The following FRMPD4 variants were observed in gnomAD, a reference collection of about 807,000 sequenced individuals.
FRMPD4 encodes the protein FERM and PDZ domain-containing protein 4.
A neutral mutation model predicts 94.1 loss-of-function variants in FRMPD4; 22 were observed. That is an observed-to-expected ratio of 0.23 (90% CI 0.17 to 0.33). The LOEUF is 0.33. Among genes scored for constraint, FRMPD4 ranks in the 10% least tolerant of loss-of-function variants. The pLI, the probability that FRMPD4 is intolerant of heterozygous loss-of-function variation, is 1.00. For missense variants in FRMPD4, 1,111 were observed against 1,339.9 expected, an observed-to-expected ratio of 0.83 and a Z score of 2.67; for synonymous variants, 631 against 548.6, an observed-to-expected ratio of 1.15 and a Z score of -2.10.
At chrX:11,972,503 G>A (rs949715807) in intron 3 of FRMPD4, among the ~76,000 whole-genome samples, 1 of 112,001 alleles carries the variant, frequency 8.9e-6, no homozygotes, top group African/African-American at 3.2e-5. Context: ...GTCCAGTTTG[G>A]GGGAAAAGAA....
rs756190383 is a variant in FRMPD4 at position 12,716,998 on chromosome X, G to A, written c.2539G>A (p.Val847Met). 6.6e-6 allele frequency: 8 copies of A among 1,210,162 alleles called. No homozygotes were observed. Among genetic ancestry groups the A allele is most frequent in the South Asian group, 3.5e-5 (2 of 56,975 alleles). Residue 847 changes from valine (V) to methionine (M), a missense_variant, in exon 15 of 17, where the codon GTG becomes ATG. Physicochemically the swap from Val to Met is conservative, Grantham distance 21. Transcript: ENST00000675598. The part of the protein sequence containing the change: ...GSSLQNDEIP[V>M]SLIDAVPTSA... ...CAGCCTGCAAAATGATGAGATCCCC[G>A]TGTCCCTCATTGACGCTGTGCCCAC... is the stretch of plus-strand genomic sequence containing the variant.
At chrX:12,566,020 G>T (rs1426435423) in intron 2 of FRMPD4, among the ~76,000 whole-genome samples, 1 of 111,563 alleles carries the variant, frequency 9.0e-6, no homozygotes, top group East Asian at 2.8e-4. Context: ...ATGATGAATT[G>T]GTGGCAGGAA....
chrX:12,567,564 G>T (rs1481033255), intron 2 of FRMPD4, among the ~76,000 whole-genome samples: 2 of 112,444 alleles, frequency 1.8e-5, no homozygotes, highest in African/African-American at 6.5e-5. Flanking sequence ...GGCCAATGCT[G>T]AACCAGAGAA....
intron 1 of FRMPD4, among the ~76,000 whole-genome samples, chrX:11,842,230 G>A (rs2053541732): frequency 9.7e-6 from 1 of 103,192 alleles, no homozygotes; most frequent in African/African-American, 3.8e-5. Flanking sequence ...TGGCGATGCG[G>A]GCTCTATTTT....
chrX:12,634,280 G>A (rs2059422796), intron 4 of FRMPD4, among the ~76,000 whole-genome samples: 1 of 112,200 alleles, frequency 8.9e-6, no homozygotes, highest in South Asian at 3.7e-4. Flanking sequence ...TAGTCTATAT[G>A]TCTGTGTCTA....
intron 2 of FRMPD4, among the ~76,000 whole-genome samples, chrX:12,505,108 A>G (rs747107600): frequency 1.8e-5 from 2 of 111,780 alleles, no homozygotes; most frequent in African/African-American, 3.3e-5. Context: ...TATCACAGGG[A>G]TGGCCAACCT....
intron 1 of FRMPD4, among the ~76,000 whole-genome samples, chrX:12,264,944 T>C (rs777338815): frequency 8.9e-6 from 1 of 112,220 alleles, no homozygotes; most frequent in East Asian, 2.8e-4. Flanking sequence ...AGCTGTAGTA[T>C]AAAGTAGGCC....
intron 1 of FRMPD4, among the ~76,000 whole-genome samples, chrX:12,173,141 G>T (rs1415640733): frequency 8.9e-6 from 1 of 112,813 alleles, no homozygotes; most frequent in African/African-American, 3.2e-5. Flanking sequence ...TTTGACCAGA[G>T]AAGTCTCTGG....
intron 5 of FRMPD4, among the ~76,000 whole-genome samples, chrX:12,681,345 T>C (rs1392625886): frequency 1.8e-5 from 2 of 110,830 alleles, no homozygotes; most frequent in Non-Finnish European, 3.8e-5. Context: ...GCTGTATGAT[T>C]TGCTCGTTAA....
chrX:12,547,808 G>A (rs1460359510), intron 2 of FRMPD4, among the ~76,000 whole-genome samples: 1 of 111,804 alleles, frequency 8.9e-6, no homozygotes, highest in Non-Finnish European at 1.9e-5. Context: ...TAAGTAAGTT[G>A]GCAAAGGATC....
chrX:12,714,618 T>C (rs1034480715), intron 14 of FRMPD4, among the ~76,000 whole-genome samples: 1 of 111,477 alleles, frequency 9.0e-6, no homozygotes, highest in South Asian at 3.8e-4. Context: ...AGTTGCTCAA[T>C]TGAATGGTTG....
intron 3 of FRMPD4, among the ~76,000 whole-genome samples, chrX:12,096,634 A>C (rs2055205221): frequency 8.9e-6 from 1 of 111,874 alleles, no homozygotes; most frequent in Non-Finnish European, 1.9e-5. Flanking sequence ...CTATAATCTC[A>C]GAGCTTTTAG....
chrX:12,504,756 A>T (rs2057961710), intron 2 of FRMPD4, among the ~76,000 whole-genome samples: 2 of 112,372 alleles, frequency 1.8e-5, no homozygotes, highest in Admixed American at 9.4e-5. Flanking sequence ...TGGCACAAAG[A>T]GCTGTGCTAG....
intron 1 of FRMPD4, among the ~76,000 whole-genome samples, chrX:12,244,681 G>T (rs2053928724): frequency 8.9e-6 from 1 of 112,784 alleles, no homozygotes; most frequent in Non-Finnish European, 1.9e-5. Flanking sequence ...ACCAGCTCCT[G>T]TTCTAGTCCA....
intron 3 of FRMPD4, among the ~76,000 whole-genome samples, chrX:11,882,803 T>C (rs1347439267): frequency 9.0e-6 from 1 of 111,277 alleles, no homozygotes; most frequent in East Asian, 2.8e-4. Flanking sequence ...ATTTGGAGCA[T>C]ATTTAGGGGC....
chrX:11,920,996 G>A (rs1269795375), intron 3 of FRMPD4, among the ~76,000 whole-genome samples: 2 of 112,182 alleles, frequency 1.8e-5, no homozygotes, highest in African/African-American at 3.2e-5. Flanking sequence ...CCCAACTTCG[G>A]TGCTGTAATG....
At chrX:12,203,141 T>G (rs764537028) in intron 1 of FRMPD4, among the ~76,000 whole-genome samples, 2 of 112,067 alleles carry the variant, frequency 1.8e-5, no homozygotes, top group Non-Finnish European at 3.8e-5. Context: ...CCTGGTATCC[T>G]GTGCCCTTAT....
intron 1 of FRMPD4, among the ~76,000 whole-genome samples, chrX:11,844,188 G>C (rs1244173343): frequency 4.8e-5 from 5 of 103,824 alleles, no homozygotes; most frequent in African/African-American, 1.4e-4. Flanking sequence ...CTGGAGACGA[G>C]TTTTCACTAT....
At chrX:12,046,207 C>A (rs2054784095) in intron 3 of FRMPD4, among the ~76,000 whole-genome samples, 1 of 110,989 alleles carries the variant, frequency 9.0e-6, no homozygotes, top group Non-Finnish European at 1.9e-5. Flanking sequence ...TAAGTCTCAG[C>A]AAATTTTCAA....
Sources: gnomAD v4.1 joint callset for allele counts (sites outside exome capture counted in the v4.1 genomes callset) on GRCh38, gnomAD v4.1.1 for gene constraint, MANE v1.5 for transcripts, NCBI Gene and HGNC (gene_info 2026-07-23, HGNC 2026-07-21) for gene names.